Variants in IL1RAPL1 observed in about 807,000 individuals in gnomAD.
IL1RAPL1 encodes the protein interleukin 1 receptor accessory protein like 1.
In IL1RAPL1, 3 loss-of-function variants were observed where a neutral mutation model predicts 48.4. The observed-to-expected ratio is 0.06, with a 90% CI of 0.03 to 0.16. The LOEUF is 0.16. Among genes scored for constraint, IL1RAPL1 ranks in the 10% least tolerant of loss-of-function variants. The probability of loss-of-function intolerance (pLI) is 1.00; values close to 1 mark genes in which losing one functional copy is unlikely to be tolerated. For synonymous variants in IL1RAPL1, 185 were observed against 187.7 expected, an observed-to-expected ratio of 0.99 and a Z score of 0.12; for missense variants, 349 against 530.6, an observed-to-expected ratio of 0.66 and a Z score of 3.36.
intron 2 of IL1RAPL1, among the ~76,000 whole-genome samples, chrX:28,821,783 G>A (rs2147281694): frequency 9.0e-6 from 1 of 111,309 alleles, no homozygotes; most frequent in South Asian, 3.8e-4. Context: ...TTTACTGATG[G>A]AAGGGGTTAT....
At chrX:28,949,649 T>A (rs931777814) in intron 2 of IL1RAPL1, among the ~76,000 whole-genome samples, 30 of 110,737 alleles carry the variant, frequency 2.7e-4, no homozygotes, top group Non-Finnish European at 5.1e-4. Flanking sequence ...TGTGAGATGG[T>A]ATCTCATTGT....
chrX:29,599,990 T>G (rs1923667533), intron 5 of IL1RAPL1, among the ~76,000 whole-genome samples: 1 of 112,518 alleles, frequency 8.9e-6, no homozygotes, highest in Admixed American at 9.4e-5. Context: ...AACTTAACAA[T>G]CGACCTGAAT....
intron 3 of IL1RAPL1, among the ~76,000 whole-genome samples, chrX:29,293,438 G>A (rs1932400575): frequency 9.0e-6 from 1 of 111,116 alleles, no homozygotes; most frequent in South Asian, 3.7e-4. Flanking sequence ...ATTGTGTCAT[G>A]TTCAAGGCAG....
intron 3 of IL1RAPL1, among the ~76,000 whole-genome samples, chrX:29,291,394 ATATACTT>A (rs1392028943): frequency 9.0e-6 from 1 of 110,613 alleles, no homozygotes; most frequent in Non-Finnish European, 1.9e-5. Context: ...AGGAGAGTAA[ATATACTT>A]TATTTTTTAT....
intron 2 of IL1RAPL1, among the ~76,000 whole-genome samples, chrX:28,994,204 G>A (rs181819000): frequency 9.0e-6 from 1 of 111,731 alleles, no homozygotes; most frequent in African/African-American, 3.2e-5. Context: ...GAAAGGAAGG[G>A]TTTGGGTCTG....
At chrX:29,832,708 T>TTG (rs1344178685) in intron 6 of IL1RAPL1, among the ~76,000 whole-genome samples, 7 of 105,761 alleles carry the variant, frequency 6.6e-5, no homozygotes, top group African/African-American at 2.4e-4. Flanking sequence ...TGTTTTTGTT[T>TTG]TTTTTTTTTT....
chrX:29,670,879 T>G (rs984655912), intron 6 of IL1RAPL1, among the ~76,000 whole-genome samples: 5 of 111,876 alleles, frequency 4.5e-5, no homozygotes, highest in African/African-American at 1.6e-4. Context: ...GGGGAACTTA[T>G]AACCTACTCT....
chrX:28,923,850 A>G (rs1923673941), intron 2 of IL1RAPL1, among the ~76,000 whole-genome samples: 1 of 111,835 alleles, frequency 8.9e-6, no homozygotes, highest in Non-Finnish European at 1.9e-5. Flanking sequence ...CATCAAAGTT[A>G]CTTTCAAAAA....
At chrX:29,167,559 T>A (rs780883339) in intron 2 of IL1RAPL1, among the ~76,000 whole-genome samples, 1 of 110,753 alleles carries the variant, frequency 9.0e-6, no homozygotes, top group African/African-American at 3.3e-5. Flanking sequence ...GAAGACACTA[T>A]GTTATTTTAC....
intron 3 of IL1RAPL1, among the ~76,000 whole-genome samples, chrX:29,336,130 ATATC>A (rs1355601329): frequency 1.1e-4 from 12 of 104,379 alleles, no homozygotes; most frequent in Admixed American, 8.6e-4. Flanking sequence ...ATATACATAT[ATATC>A]TATACCTTAT....
chrX:28,899,747 C>T (rs1296922112), intron 2 of IL1RAPL1, among the ~76,000 whole-genome samples: 1 of 111,342 alleles, frequency 9.0e-6, no homozygotes, highest in African/African-American at 3.3e-5. Flanking sequence ...GTGTTCAGTT[C>T]TTAGTTCTAT....
In IL1RAPL1 at chrX:28,881,694, AG is replaced by A. The variant is rs1343713913; in HGVS notation, c.82+92270del. On this transcript the variant is annotated intron_variant, in intron 2 of 10. Transcript: ENST00000378993. ...CTGAAGACATACAAACTATAAAAAA[AG>A]AACAAAAATTTTGGACTTGAAGAAT... 5.4e-5 allele frequency among the ~76,000 whole-genome samples: 6 copies of A among 112,005 alleles called. No individual in the cohort carries two copies. The Admixed American group carries it at 5.7e-4, about 11-fold the overall frequency.
At chrX:28,650,158 G>A (rs778169594) in intron 1 of IL1RAPL1, among the ~76,000 whole-genome samples, 7 of 111,889 alleles carry the variant, frequency 6.3e-5, no homozygotes, top group Admixed American at 4.8e-4. Flanking sequence ...TTTCATATTC[G>A]TATGCCTCAG....
intron 2 of IL1RAPL1, among the ~76,000 whole-genome samples, chrX:29,083,219 T>C (rs1927881474): frequency 8.9e-6 from 1 of 112,050 alleles, no homozygotes; most frequent in Non-Finnish European, 1.9e-5. Flanking sequence ...TTGTATGCTC[T>C]GGAGATGCAT....
intron 6 of IL1RAPL1, among the ~76,000 whole-genome samples, chrX:29,725,004 C>T (rs1162250788): frequency 9.0e-6 from 1 of 110,728 alleles, no homozygotes; most frequent in East Asian, 2.8e-4. Flanking sequence ...TGAAAAGAAG[C>T]TTGATGAAAA....
At chrX:29,536,413 T>C (rs1192581982) in intron 5 of IL1RAPL1, among the ~76,000 whole-genome samples, 1 of 111,702 alleles carries the variant, frequency 9.0e-6, no homozygotes, top group African/African-American at 3.3e-5. Flanking sequence ...TTACACTGCA[T>C]TGAGGCAAAA....
Position 29,930,248 on chromosome X carries a change from G to T in IL1RAPL1, c.1057+10154G>T, listed in dbSNP as rs773821368. 3.6e-5 allele frequency among the ~76,000 whole-genome samples: 4 copies of T among 112,104 alleles called. No individual in the cohort carries two copies. In the Admixed American group the frequency reaches 3.8e-4, roughly 11 times the overall value. On this transcript the variant is annotated intron_variant, in intron 8 of 10. Coordinates refer to ENST00000378993, the MANE Select transcript of IL1RAPL1 (RefSeq NM_014271.4). Reference sequence around the variant, plus strand: ...CCACAGTGGTGTTTAAAAAATTCCTGTTAGACTTGCATTGCTGAACCAGGC... The same window carrying T: ...CCACAGTGGTGTTTAAAAAATTCCTTTTAGACTTGCATTGCTGAACCAGGC...
intron 5 of IL1RAPL1, among the ~76,000 whole-genome samples, chrX:29,510,389 C>T (rs1180095948): frequency 8.9e-6 from 1 of 112,027 alleles, no homozygotes; most frequent in Non-Finnish European, 1.9e-5. Flanking sequence ...GGCATTTGTT[C>T]TAGAGTTTCA....
At chrX:29,658,716 G>C (rs1006668111) in intron 5 of IL1RAPL1, among the ~76,000 whole-genome samples, 33 of 111,646 alleles carry the variant, frequency 3.0e-4, no homozygotes, top group African/African-American at 1.0e-3. Flanking sequence ...TACACATTTT[G>C]GGGTGTATGT....
Sources: allele counts gnomAD v4.1 joint callset (sites outside exome capture counted in the v4.1 genomes callset), GRCh38; gene constraint gnomAD v4.1.1; transcripts MANE v1.5; gene names NCBI Gene and HGNC (gene_info 2026-07-23, HGNC 2026-07-21).